The following TAOK3 variants were observed in gnomAD, a reference collection of about 807,000 sequenced individuals.
TAOK3 encodes serine/threonine-protein kinase TAO3.
A neutral mutation model predicts 120.4 loss-of-function variants in TAOK3; 40 were observed. The ratio of observed to expected loss-of-function variants is 0.33; its 90% CI spans 0.26 to 0.43. The LOEUF (loss-of-function observed/expected upper bound fraction) is 0.43. TAOK3 is among the 20% of genes least tolerant of loss of function. The pLI, the probability that TAOK3 is intolerant of heterozygous loss-of-function variation, is 1.00. For missense variants in TAOK3, 821 were observed against 1,112.1 expected (o/e 0.74, Z 3.72); for synonymous variants, 355 against 387.5 (o/e 0.92, Z 0.99).
intron 1 of TAOK3, among the ~76,000 whole-genome samples, chr12:118,366,500 A>G (rs1359893751): frequency 6.6e-6 from 1 of 152,222 alleles, no homozygotes; most frequent in Non-Finnish European, 1.5e-5. Flanking sequence ...AATTAAATAT[A>G]TACTGCACAG....
intron 1 of TAOK3, among the ~76,000 whole-genome samples, chr12:118,289,296 CAAAAAAAAAAA>C (rs59297201): frequency 3.8e-5 from 3 of 78,686 alleles, no homozygotes; most frequent in African/African-American, 4.9e-5. Flanking sequence ...AAGACTGTCT[CAAAAAAAAAAA>C]AAAAAAAAAA....
chr12:118,303,409 G>A (rs1275810032), intron 1 of TAOK3, among the ~76,000 whole-genome samples: 2 of 152,184 alleles, frequency 1.3e-5, no homozygotes, highest in Non-Finnish European at 2.9e-5. Flanking sequence ...ATGTTTGGCA[G>A]AATGTACGTG....
chr12:118,210,744 T>C (rs1231008396), intron 11 of TAOK3, among the ~76,000 whole-genome samples: 2 of 150,042 alleles, frequency 1.3e-5, no homozygotes, highest in South Asian at 4.2e-4. Flanking sequence ...TTTTTTCTTT[T>C]TTTTTTTTTT....
chr12:118,338,742 G>A (rs2044471094), intron 1 of TAOK3, among the ~76,000 whole-genome samples: 2 of 135,698 alleles, frequency 1.5e-5, no homozygotes, highest in Non-Finnish European at 3.0e-5. Flanking sequence ...AGCCAAGATC[G>A]TGCCACTGCA....
At chr12:118,201,141 T>C in intron 12 of TAOK3, 155 bp downstream of exon 12, 2 of 697,114 alleles carry the variant, frequency 2.9e-6, no homozygotes, top group South Asian at 5.1e-5. Flanking sequence ...ATATAAGTGT[T>C]ATTTTATGAA....
intron 5 of TAOK3, among the ~76,000 whole-genome samples, chr12:118,242,900 AGTGT>A (rs750085407): frequency 7.3e-4 from 110 of 151,056 alleles, no homozygotes; most frequent in Non-Finnish European, 1.3e-3. Flanking sequence ...TATATATATG[AGTGT>A]GTGTGTGTCT....
Position 118,160,129 on chromosome 12 carries a change from C to T in TAOK3, c.2352+17G>A, listed in dbSNP as rs1233570977. 6.2e-7 allele frequency: 1 copy of T among 1,604,294 alleles called. No individual in the cohort carries two copies. Among genetic ancestry groups the T allele is most frequent in the Admixed American group, 1.7e-5 (1 of 59,966 alleles). ...CCCAAAGCTCTCGAAGCCGTGGCAC[C>T]AAACCTAACCACTTACCGCTTGAGA... On this transcript the variant is annotated intron_variant, in intron 19 of 20. Transcript: ENST00000392533. This position sits in a 1 kb window ranked among gnomAD's most constrained non-coding sequence, Gnocchi z 4.2.
chr12:118,335,024 CA>C (rs549808254), intron 1 of TAOK3, among the ~76,000 whole-genome samples: 2 of 151,554 alleles, frequency 1.3e-5, no homozygotes, highest in East Asian at 3.9e-4. Context: ...ACTAAAAATA[CA>C]AAAAAGTAGC....
chr12:118,230,118 G>C (rs1159228436), intron 9 of TAOK3, among the ~76,000 whole-genome samples: 1 of 152,044 alleles, frequency 6.6e-6, no homozygotes. Context: ...TTTACTTTTG[G>C]GCATTTAACC....
chr12:118,287,518 A>G (rs2042308794), intron 1 of TAOK3, among the ~76,000 whole-genome samples: 1 of 152,150 alleles, frequency 6.6e-6, no homozygotes, highest in Non-Finnish European at 1.5e-5. Context: ...GGGTAGCACT[A>G]TGACATAGTG....
chr12:118,248,214 A>C (rs551861167), intron 3 of TAOK3, among the ~76,000 whole-genome samples: 3 of 151,544 alleles, frequency 2.0e-5, no homozygotes, highest in Non-Finnish European at 2.9e-5. Context: ...AAAAAAAAAA[A>C]AACCCACAAT....
intron 1 of TAOK3, among the ~76,000 whole-genome samples, chr12:118,356,522 A>C (rs1185522906): frequency 6.6e-6 from 1 of 151,822 alleles, no homozygotes; most frequent in East Asian, 1.9e-4. Flanking sequence ...GTGGTCTCAA[A>C]TTCCTGGCCT....
At chr12:118,330,477 A>C (rs995610413) in intron 1 of TAOK3, among the ~76,000 whole-genome samples, 1 of 152,188 alleles carries the variant, frequency 6.6e-6, no homozygotes, top group Admixed American at 6.5e-5. Context: ...CTACATTATC[A>C]TAACTCAGGC....
At chr12:118,290,668 C>A (rs773892334) in intron 1 of TAOK3, among the ~76,000 whole-genome samples, 1 of 152,180 alleles carries the variant, frequency 6.6e-6, no homozygotes, top group Non-Finnish European at 1.5e-5. Context: ...TGGGTTCAAG[C>A]GATTTTCCTG....
At chr12:118,182,070 AGTT>A (rs1382238735) in intron 14 of TAOK3, among the ~76,000 whole-genome samples, 1 of 151,920 alleles carries the variant, frequency 6.6e-6, no homozygotes, top group East Asian at 1.9e-4. Context: ...CTGTAATCCT[AGTT>A]ACTTGGGAGG....
intron 11 of TAOK3, among the ~76,000 whole-genome samples, chr12:118,203,293 C>T (rs985654204): frequency 1.3e-5 from 2 of 152,096 alleles, no homozygotes; most frequent in African/African-American, 2.4e-5. Context: ...AAAACAACTG[C>T]CCTAAAGTCC....
intron 9 of TAOK3, among the ~76,000 whole-genome samples, chr12:118,222,701 A>C (rs2039296782): frequency 6.6e-6 from 1 of 152,192 alleles, no homozygotes; most frequent in African/African-American, 2.4e-5. Context: ...TTATATTCTC[A>C]CTTACAAGTG....
intron 1 of TAOK3, among the ~76,000 whole-genome samples, chr12:118,311,259 G>A (rs1314569345): frequency 1.3e-5 from 2 of 152,154 alleles, no homozygotes; most frequent in Non-Finnish European, 1.5e-5. Flanking sequence ...TCAGGAGTTC[G>A]AGACCAGCCT....
rs140730080 is a variant in TAOK3 at position 118,174,579 on chromosome 12, A to G, written c.1696-1919T>C. On this transcript the variant is annotated intron_variant, in intron 16 of 20. Transcript: ENST00000392533. The stretch of plus-strand genomic sequence containing the variant: ...TATCTCAATGTTACAAAAACTCAAA[A>G]TGGTGGCCATAGTCATAAAGTATGG... Among the ~76,000 whole-genome samples the G allele has an allele frequency of 9.2e-3, 1,404 of 152,238 alleles. 11 individuals are homozygous for G. Among genetic ancestry groups the G allele is most frequent in the Non-Finnish European group, 0.014 (953 of 68,002 alleles).
Sources: allele counts gnomAD v4.1 joint callset (sites outside exome capture counted in the v4.1 genomes callset), GRCh38; gene constraint gnomAD v4.1.1; non-coding constraint Gnocchi (gnomAD v3.1); transcripts MANE v1.5; gene names NCBI Gene and HGNC (gene_info 2026-07-23, HGNC 2026-07-21).